Variants in PCCA observed in about 807,000 individuals in gnomAD.
PCCA encodes the protein propionyl-CoA carboxylase alpha chain, mitochondrial.
PCCA carries 74 observed loss-of-function variants against 101.3 expected under a neutral mutation model. The ratio of observed to expected loss-of-function variants is 0.73; its 90% CI spans 0.61 to 0.89. PCCA has a LOEUF of 0.89. Among genes scored for constraint, PCCA ranks in the 40% least tolerant of loss-of-function variants. The pLI is 0.00. For missense variants in PCCA, 891 were observed against 907.0 expected (o/e 0.98, Z 0.23); for synonymous variants, 294 against 313.6 (o/e 0.94, Z 0.66).
intron 21 of PCCA, among the ~76,000 whole-genome samples, chr13:100,468,353 C>T (rs1199574444): frequency 8.5e-5 from 13 of 152,186 alleles, no homozygotes; most frequent in Non-Finnish European, 1.9e-4. Flanking sequence ...GAGAGTTGGC[C>T]TGTCCTTTGA....
At chr13:100,180,980 A>G (rs979857147) in intron 6 of PCCA, among the ~76,000 whole-genome samples, 1 of 152,174 alleles carries the variant, frequency 6.6e-6, no homozygotes, top group African/African-American at 2.4e-5. Flanking sequence ...GGATTCCTGG[A>G]AAAGGAACCT....
intron 4 of PCCA, among the ~76,000 whole-genome samples, chr13:100,115,379 T>C (rs1463203270): frequency 6.6e-6 from 1 of 152,154 alleles, no homozygotes; most frequent in Admixed American, 6.5e-5. Flanking sequence ...GTGACTACAG[T>C]CTGCAGTAAT....
chr13:100,404,605 A>G (rs898939796), intron 19 of PCCA, among the ~76,000 whole-genome samples: 4 of 152,098 alleles, frequency 2.6e-5, no homozygotes, highest in African/African-American at 9.7e-5. Context: ...GCAGATACTC[A>G]GGGTTAGTGA....
chr13:100,365,377 A>C (rs1421984722), intron 18 of PCCA, among the ~76,000 whole-genome samples: 2 of 152,146 alleles, frequency 1.3e-5, no homozygotes, highest in Non-Finnish European at 2.9e-5. Context: ...ACTGTATCTC[A>C]TCACCATCTA....
chr13:100,157,522 A>G (rs1163280962), intron 6 of PCCA, among the ~76,000 whole-genome samples, 182 bp downstream of exon 6: 1 of 152,232 alleles, frequency 6.6e-6, no homozygotes, highest in Non-Finnish European at 1.5e-5. Flanking sequence ...AAGAGTAATT[A>G]TAAAAACAGA....
chr13:100,246,015 T>C (rs1048971212), intron 8 of PCCA, among the ~76,000 whole-genome samples: 1 of 152,210 alleles, frequency 6.6e-6, no homozygotes, highest in Non-Finnish European at 1.5e-5. Context: ...TATTTGTTGG[T>C]CTTTTTTAGT....
chr13:100,150,635 G>C (rs2152372254), intron 4 of PCCA: 1 of 1,271,412 alleles, frequency 7.9e-7, no homozygotes, highest in East Asian at 2.3e-5. Context: ...GCTGTGGACT[G>C]ATTTGGTGAT....
intron 19 of PCCA, among the ~76,000 whole-genome samples, chr13:100,420,060 C>T (rs2078645267): frequency 6.6e-6 from 1 of 152,198 alleles, no homozygotes; most frequent in South Asian, 2.1e-4. Context: ...ATAATATTGT[C>T]TGCCTTGAAA....
At chr13:100,271,667 A>G (rs181909981) in intron 11 of PCCA, among the ~76,000 whole-genome samples, 23 of 152,340 alleles carry the variant, frequency 1.5e-4, no homozygotes, top group Admixed American at 1.4e-3. Context: ...CTGTATAAAG[A>G]TATTTATGAG....
rs78615380 is a variant in PCCA, at chr13:100,500,333, C to G, written c.1900-15094C>G. ...TTGTTATTATTTGTTGAGACCAGAA[C>G]TCTCCTTAAGGATATATTTATATAT... On this transcript the variant is annotated intron_variant, in intron 21 of 23. Transcript: ENST00000376285. Among the ~76,000 whole-genome samples the G allele has an allele frequency of 5.1e-3, 769 of 152,244 alleles. 4 individuals are homozygous for G. Among genetic ancestry groups the G allele is most frequent in the African/African-American group, 0.017 (717 of 41,526 alleles).
chr13:100,140,237 A>G (rs576526050), intron 4 of PCCA, among the ~76,000 whole-genome samples: 10 of 152,104 alleles, frequency 6.6e-5, no homozygotes, highest in Non-Finnish European at 1.2e-4. Flanking sequence ...AGGACGTGTA[A>G]AGAGCACAGA....
Position 100,515,430 on chromosome 13 carries a change from A to G in PCCA, c.1903A>G (p.Lys635Glu), listed in dbSNP as rs1464991518. The part of the protein sequence containing the change: ...MSIQFLGTVY[K>E]VNILTRLAAE... ...TTGGTTTTGTTTTTCCCTTAAGTAC[A>G]AGGTGAATATCTTAACCAGACTTGC... Residue 635 changes from lysine (K) to glutamate (E), a missense_variant, in exon 22 of 24, where the codon AAG (lysine) becomes GAG (glutamate). Transcript: ENST00000376285. 1 of 1,614,016 alleles carries G rather than the reference A, an allele frequency of 6.2e-7. No individual in the cohort carries two copies. Among genetic ancestry groups the G allele is most frequent in the Non-Finnish European group, 8.5e-7 (1 of 1,179,844 alleles).
intron 10 of PCCA, among the ~76,000 whole-genome samples, chr13:100,263,633 T>G (rs1164139462): frequency 6.6e-6 from 1 of 152,130 alleles, no homozygotes. Context: ...TTTTCTAAAG[T>G]GAGAAAAAAT....
intron 12 of PCCA, among the ~76,000 whole-genome samples, chr13:100,297,535 T>G (rs1325049513): frequency 6.6e-6 from 1 of 152,172 alleles, no homozygotes; most frequent in African/African-American, 2.4e-5. Flanking sequence ...TTGACAAGCT[T>G]GGTTATATTT....
intron 8 of PCCA, among the ~76,000 whole-genome samples, chr13:100,244,681 A>G (rs570600223): frequency 6.6e-6 from 1 of 152,178 alleles, no homozygotes; most frequent in East Asian, 1.9e-4. Flanking sequence ...AAATGCACTG[A>G]TTTCCGATCC....
intron 22 of PCCA, among the ~76,000 whole-genome samples, chr13:100,518,248 TGGTGGGCC>T (rs1239472207): frequency 1.3e-5 from 2 of 152,354 alleles, no homozygotes; most frequent in East Asian, 3.9e-4. Context: ...AATCGTAGAA[TGGTGGGCC>T]TGGCAATAAG....
chr13:100,422,860 G>C (rs1040398787), intron 19 of PCCA, among the ~76,000 whole-genome samples: 14 of 151,092 alleles, frequency 9.3e-5, no homozygotes, highest in Non-Finnish European at 5.9e-5. Flanking sequence ...TCTTCTTTGA[G>C]CTCTTTTTTT....
At chr13:100,258,779 CCTTT>C (rs1357460922) in intron 9 of PCCA, among the ~76,000 whole-genome samples, 1 of 151,968 alleles carries the variant, frequency 6.6e-6, no homozygotes, top group African/African-American at 2.4e-5. Flanking sequence ...ATAATTTAGC[CCTTT>C]CTTGCCAAGT....
intron 6 of PCCA, among the ~76,000 whole-genome samples, chr13:100,173,569 G>A (rs987588303): frequency 2.0e-4 from 31 of 152,326 alleles, no homozygotes; most frequent in Middle Eastern, 3.4e-3. Context: ...ACCTGGATAA[G>A]TGTACATTTC....
Sources: allele counts gnomAD v4.1 joint callset (sites outside exome capture counted in the v4.1 genomes callset), GRCh38; gene constraint gnomAD v4.1.1; transcripts MANE v1.5; gene names NCBI Gene and HGNC (gene_info 2026-07-23, HGNC 2026-07-21).